HDAC9: variants seen among roughly 807,000 people sequenced by gnomAD.
The protein encoded by HDAC9 is histone deacetylase 9.
HDAC9 carries 41 observed loss-of-function variants against 139.4 expected under a neutral mutation model. That is an observed-to-expected ratio of 0.29 (90% confidence interval 0.23 to 0.38). The LOEUF (loss-of-function observed/expected upper bound fraction) is 0.38. Ranked by LOEUF, HDAC9 falls within the 10% of genes least tolerant of loss-of-function variation. HDAC9 has a pLI of 1.00. For missense variants in HDAC9, 1,147 were observed against 1,297.0 expected (o/e 0.88, Z 1.78); for synonymous variants, 517 against 476.2 (o/e 1.09, Z -1.12).
intron 2 of HDAC9, among the ~76,000 whole-genome samples, chr7:18,260,860 T>C (rs1795622518): frequency 1.3e-5 from 2 of 152,158 alleles, no homozygotes; most frequent in East Asian, 3.8e-4. Context: ...AAACTGACTT[T>C]GGTGGAATGG....
At chr7:18,914,227 G>C (rs748393338) in intron 22 of HDAC9, among the ~76,000 whole-genome samples, 3 of 151,472 alleles carry the variant, frequency 2.0e-5, no homozygotes, top group Non-Finnish European at 4.4e-5. Context: ...TCTTCTGCTT[G>C]ATCTTGAACT....
At chr7:18,357,284 A>C (rs372410898) in intron 1 of HDAC9, among the ~76,000 whole-genome samples, 23 of 152,274 alleles carry the variant, frequency 1.5e-4, no homozygotes, top group Admixed American at 1.2e-3. Flanking sequence ...ATTAAGAAAC[A>C]ATGAGAAATG....
At chr7:18,932,468 A>G (rs1804829220) in intron 22 of HDAC9, among the ~76,000 whole-genome samples, 1 of 152,184 alleles carries the variant, frequency 6.6e-6, no homozygotes, top group Admixed American at 6.5e-5. Context: ...CAAAAGATAG[A>G]AAAAGGAGAG....
intron 7 of HDAC9, among the ~76,000 whole-genome samples, chr7:18,632,719 G>C (rs982607463): frequency 6.6e-6 from 1 of 152,056 alleles, no homozygotes; most frequent in Non-Finnish European, 1.5e-5. Context: ...GCAAGAGTTT[G>C]AAAGAAAGGT....
At chr7:18,260,325 T>G (rs1252671148) in intron 2 of HDAC9, among the ~76,000 whole-genome samples, 22 of 54,772 alleles carry the variant, frequency 4.0e-4, no homozygotes, top group African/African-American at 1.0e-3. Context: ...TTTTTTTTGT[T>G]TTTTTTTTTT....
At chr7:18,757,453 G>T (rs1788977363) in intron 14 of HDAC9, among the ~76,000 whole-genome samples, 2 of 152,282 alleles carry the variant, frequency 1.3e-5, no homozygotes, top group South Asian at 4.1e-4. Context: ...GCCACAAAAT[G>T]AGCCCTTTCA....
intron 21 of HDAC9, among the ~76,000 whole-genome samples, chr7:18,854,594 G>T (rs1393380404): frequency 6.6e-6 from 1 of 151,784 alleles, no homozygotes; most frequent in Non-Finnish European, 1.5e-5. Flanking sequence ...TATAGAAATG[G>T]CTGTAAGAGA....
At chr7:18,398,874 A>G (rs1270853191) in intron 1 of HDAC9, among the ~76,000 whole-genome samples, 1 of 152,122 alleles carries the variant, frequency 6.6e-6, no homozygotes, top group African/African-American at 2.4e-5. Context: ...CCTTACAAAA[A>G]GGCTCATTTT....
At chr7:18,445,331 A>T (rs550915522) in intron 1 of HDAC9, among the ~76,000 whole-genome samples, 2 of 152,204 alleles carry the variant, frequency 1.3e-5, no homozygotes, top group East Asian at 1.9e-4. Flanking sequence ...GTTTTCTACT[A>T]TAGGCTATTT....
intron 6 of HDAC9, among the ~76,000 whole-genome samples, chr7:18,609,007 A>T (rs1194709190): frequency 2.0e-5 from 3 of 152,164 alleles, no homozygotes; most frequent in Non-Finnish European, 4.4e-5. Flanking sequence ...AGATGTTATT[A>T]TTATTATTTT....
intron 1 of HDAC9, among the ~76,000 whole-genome samples, chr7:18,140,926 AAG>A (rs1785854238): frequency 6.7e-6 from 1 of 150,082 alleles, no homozygotes; most frequent in Non-Finnish European, 1.5e-5. Flanking sequence ...TTTTTTTTTA[AAG>A]AGAGTGTCTA....
At chr7:18,232,358 A>G (rs1793521194) in intron 2 of HDAC9, among the ~76,000 whole-genome samples, 1 of 152,070 alleles carries the variant, frequency 6.6e-6, no homozygotes, top group South Asian at 2.1e-4. Context: ...TTGTTACTGT[A>G]GTCCCAACAC....
chr7:18,875,089 A>T (rs777580434), intron 22 of HDAC9, among the ~76,000 whole-genome samples: 2 of 151,954 alleles, frequency 1.3e-5, no homozygotes, highest in Non-Finnish European at 2.9e-5. Flanking sequence ...CATAATCTCT[A>T]CTCGTCTTCT....
chr7:18,545,580 G>T (rs1814517192), intron 2 of HDAC9, among the ~76,000 whole-genome samples: 1 of 152,196 alleles, frequency 6.6e-6, no homozygotes, highest in Non-Finnish European at 1.5e-5. Flanking sequence ...GCTTGAAACT[G>T]CTGGGCTTGA....
chr7:18,538,533 G>C (rs1425082850), intron 2 of HDAC9, among the ~76,000 whole-genome samples: 4 of 152,156 alleles, frequency 2.6e-5, no homozygotes, highest in African/African-American at 9.7e-5. Flanking sequence ...CTAACTAATA[G>C]CTATTTAACG....
intron 1 of HDAC9, among the ~76,000 whole-genome samples, chr7:18,483,097 TA>T (rs1795706373): frequency 6.6e-6 from 1 of 152,200 alleles, no homozygotes; most frequent in Non-Finnish European, 1.5e-5. Flanking sequence ...TTACGCTTTA[TA>T]TACTACAAAG....
At chr7:18,919,877 C>G (rs1585310957) in intron 22 of HDAC9, among the ~76,000 whole-genome samples, 1 of 152,082 alleles carries the variant, frequency 6.6e-6, no homozygotes, top group African/African-American at 2.4e-5. Context: ...GGTACCAGTA[C>G]CATGCTGTTT....
At chr7:18,690,876 A>T (rs1014137998) in intron 12 of HDAC9, among the ~76,000 whole-genome samples, 1 of 151,990 alleles carries the variant, frequency 6.6e-6, no homozygotes, top group African/African-American at 2.4e-5. Flanking sequence ...TCCTTTATGG[A>T]ATTTGCCTCT....
intron 2 of HDAC9, among the ~76,000 whole-genome samples, chr7:18,265,089 C>A (rs1227683665): frequency 6.6e-6 from 1 of 152,028 alleles, no homozygotes; most frequent in Non-Finnish European, 1.5e-5. Flanking sequence ...TCAATGCTGG[C>A]TGAAGAATGG....
Sources: allele counts gnomAD v4.1 joint callset (sites outside exome capture counted in the v4.1 genomes callset), GRCh38; gene constraint gnomAD v4.1.1; transcripts MANE v1.5; gene names NCBI Gene and HGNC (gene_info 2026-07-23, HGNC 2026-07-21).